The following TTC39B variants were observed in gnomAD, a reference collection of about 807,000 sequenced individuals.
TTC39B encodes the protein tetratricopeptide repeat protein 39B.
Under a neutral mutation model 96.6 loss-of-function variants are expected in TTC39B, and 92 were observed. That is an observed-to-expected ratio of 0.95 (90% CI 0.80 to 1.13). The LOEUF is 1.13. TTC39B is among the 50% of genes most tolerant of loss of function. TTC39B has a pLI of 0.00. For missense variants in TTC39B, 955 were observed against 809.3 expected (o/e 1.18, Z -2.18); for synonymous variants, 367 against 299.4 (o/e 1.23, Z -2.33).
At chr9:15,293,709 T>C (rs999951779) in intron 1 of TTC39B, among the ~76,000 whole-genome samples, 1 of 152,218 alleles carries the variant, frequency 6.6e-6, no homozygotes, top group African/African-American at 2.4e-5. Context: ...TAAATCAAGT[T>C]TAGCCTAAAG....
chr9:15,221,017 C>A (rs1289399944), intron 3 of TTC39B, among the ~76,000 whole-genome samples: 1 of 152,188 alleles, frequency 6.6e-6, no homozygotes, highest in East Asian at 1.9e-4. Flanking sequence ...ATCAGGGCTA[C>A]GAGCTGCATG....
Position 15,281,625 on chromosome 9 carries a change from C to CAAAAAAAA in TTC39B, c.241-13685_241-13678dup, listed in dbSNP as rs1161175672. Among the ~76,000 whole-genome samples the CAAAAAAAA allele has an allele frequency of 2.2e-4, 11 of 48,966 alleles. 1 individual carries two copies. The highest frequency in any genetic ancestry group is 6.7e-4 in the African/African-American group (7 of 10,496). 32.1% of individuals were successfully genotyped at this position (48,966 alleles called of 152,430 possible). ...CCTACCAACATCCCCCCTGCAACAG[C>CAAAAAAAA]AAAAAAAAAAAAAAAAAAAAAAAAA... On this transcript the variant is annotated intron_variant, in intron 1 of 19. Transcript: ENST00000512701.
chr9:15,262,519 GTTTTA>G (rs1021629000), intron 2 of TTC39B, among the ~76,000 whole-genome samples: 1 of 152,036 alleles, frequency 6.6e-6, no homozygotes, highest in Admixed American at 6.6e-5. Context: ...TATTTTAACA[GTTTTA>G]TTTTATTTTA....
At chr9:15,304,551 G>T (rs1436834315) in intron 1 of TTC39B, among the ~76,000 whole-genome samples, 6 of 152,066 alleles carry the variant, frequency 3.9e-5, no homozygotes, top group African/African-American at 7.2e-5. Flanking sequence ...GCTACCATGG[G>T]AGCTTCTCTA....
chr9:15,166,577 T>A (rs1564299333), exon 20 of TTC39B: 1 of 152,196 alleles, frequency 6.6e-6, no homozygotes, highest in Non-Finnish European at 1.5e-5. Context: ...ATATCTTCCC[T>A]GATGATAAAT....
At chr9:15,233,518 A>C (rs519589) in intron 2 of TTC39B, among the ~76,000 whole-genome samples, 13,538 of 132,384 alleles carry the variant, frequency 0.1, 1,001 homozygotes, top group Non-Finnish European at 0.12. Flanking sequence ...GCCACGCCTG[A>C]CTGGTTTTCG....
rs1824397351 is a variant in TTC39B at position 15,296,809 on chromosome 9, T to G, written c.240+10275A>C. Reference sequence around the variant, plus strand: ...ACTGCGCCTGGCCAAAAGCAAATTTTTTTAAAAGGCAGGGCCAGGCATGGT... The same window carrying G: ...ACTGCGCCTGGCCAAAAGCAAATTTGTTTAAAAGGCAGGGCCAGGCATGGT... On this transcript the variant is annotated intron_variant, in intron 1 of 19. Transcript: ENST00000512701. 2.0e-5 allele frequency among the ~76,000 whole-genome samples: 3 copies of G among 152,156 alleles called. No individual in the cohort carries two copies. The South Asian group carries it at 6.2e-4, about 32-fold the overall frequency.
In TTC39B at chr9:15,190,571, T is replaced by A. The variant is rs1399584752; in HGVS notation, c.1088A>T (p.Tyr363Phe). 34 of 1,613,814 alleles carry A rather than the reference T, an allele frequency of 2.1e-5. No homozygotes were observed. The highest frequency in any genetic ancestry group is 2.7e-5 in the African/African-American group (2 of 74,936). The change falls in exon 11 of 20, where the codon TAC becomes TTC. Residue 363 changes from tyrosine to phenylalanine, a missense_variant. Tyr to Phe is a conservative substitution (Grantham distance 22). Transcript: ENST00000512701. ...GATCTTACCAAGTATTAGGGAGATG[T>A]AAGTATGAAAAGCTAAGATGGTTAA...
At chr9:15,257,716 G>T (rs1459295526) in intron 2 of TTC39B, among the ~76,000 whole-genome samples, 1 of 151,506 alleles carries the variant, frequency 6.6e-6, no homozygotes. Flanking sequence ...CCAAAGTGCT[G>T]GGATTACAGG....
At chr9:15,212,504 C>T (rs1820264565) in intron 4 of TTC39B, among the ~76,000 whole-genome samples, 1 of 152,228 alleles carries the variant, frequency 6.6e-6, no homozygotes, top group Non-Finnish European at 1.5e-5. Context: ...CGGCTCACCA[C>T]AACCTCCGCC....
chr9:15,229,025 C>G (rs1430080856), intron 2 of TTC39B, among the ~76,000 whole-genome samples: 3 of 152,150 alleles, frequency 2.0e-5, no homozygotes, highest in Non-Finnish European at 4.4e-5. Flanking sequence ...TATCATGCCA[C>G]AAACTAATTT....
chr9:15,169,722 T>C (rs927972612), exon 20 of TTC39B: 15 of 152,234 alleles, frequency 9.9e-5, no homozygotes, highest in Admixed American at 5.2e-4. Flanking sequence ...CTGTCCATAG[T>C]ATCAGGTAAC....
intron 2 of TTC39B, among the ~76,000 whole-genome samples, chr9:15,257,431 A>T (rs1050831890): frequency 6.6e-6 from 1 of 151,992 alleles, no homozygotes; most frequent in Non-Finnish European, 1.5e-5. Context: ...CTTTCTGTAG[A>T]TGTTCAAAAT....
chr9:15,281,164 G>A (rs1469443164), intron 1 of TTC39B, among the ~76,000 whole-genome samples: 14 of 150,796 alleles, frequency 9.3e-5, no homozygotes, highest in African/African-American at 3.4e-4. Context: ...AAACTAAAAG[G>A]AAAAAAAATC....
At chr9:15,189,774 A>T in exon 12 of TTC39B, 1 of 1,612,362 alleles carries the variant, frequency 6.2e-7, no homozygotes, top group Non-Finnish European at 8.5e-7. Context: ...TGCTTCCGCA[A>T]CATTCACTTC....
At chr9:15,212,162 A>G (rs1820238480) in intron 4 of TTC39B, among the ~76,000 whole-genome samples, 1 of 152,248 alleles carries the variant, frequency 6.6e-6, no homozygotes, top group South Asian at 2.1e-4. Flanking sequence ...TTTAAATATT[A>G]ATGCATAACA....
At chr9:15,297,838 T>C (rs1055844296) in intron 1 of TTC39B, among the ~76,000 whole-genome samples, 3 of 152,110 alleles carry the variant, frequency 2.0e-5, no homozygotes, top group African/African-American at 7.2e-5. Context: ...CAATCTGACA[T>C]GAAAGTCTCT....
chr9:15,254,050 C>G (rs761202745), intron 2 of TTC39B, among the ~76,000 whole-genome samples: 1 of 151,828 alleles, frequency 6.6e-6, no homozygotes, highest in African/African-American at 2.4e-5. Flanking sequence ...CATTCCATAC[C>G]CACATCCCCT....
intron 6 of TTC39B, among the ~76,000 whole-genome samples, chr9:15,204,689 C>T (rs1328830241): frequency 6.6e-6 from 1 of 152,102 alleles, no homozygotes; most frequent in Admixed American, 6.5e-5. Context: ...CTCTAGAGCT[C>T]GGTGAAAAAG....
Sources: gnomAD v4.1 joint callset for allele counts (sites outside exome capture counted in the v4.1 genomes callset) on GRCh38, gnomAD v4.1.1 for gene constraint, MANE v1.5 for transcripts, NCBI Gene and HGNC (gene_info 2026-07-23, HGNC 2026-07-21) for gene names.